CFAP65: variants seen among roughly 807,000 people sequenced by gnomAD.
CFAP65 encodes the protein cilia- and flagella-associated protein 65.
CFAP65 carries 155 observed loss-of-function variants against 208.0 expected under a neutral mutation model. The ratio of observed to expected loss-of-function variants is 0.75; its 90% CI spans 0.65 to 0.85. The LOEUF is 0.85. Among genes scored for constraint, CFAP65 ranks in the 40% least tolerant of loss-of-function variants. The pLI, the probability that CFAP65 is intolerant of heterozygous loss-of-function variation, is 0.00. For missense variants in CFAP65, 2,294 were observed against 2,451.3 expected, an observed-to-expected ratio of 0.94 and a Z score of 1.36; for synonymous variants, 970 against 986.3, an observed-to-expected ratio of 0.98 and a Z score of 0.31.
chr2:219,031,089 G>A lies in CFAP65; in HGVS notation c.1015+17C>T, dbSNP rs1462258832. ...CAGGAGGGGCCAGTCTGGGGACGGT[G>A]GGAGGTTGGGCCTCACCCACAGCCT... On this transcript the variant is annotated intron_variant, in intron 8 of 34. Transcript: ENST00000341552. The surrounding 1 kb of genome is among the most constrained non-coding windows in gnomAD (Gnocchi z 5.2). 2.5e-6 allele frequency: 4 copies of A among 1,569,728 alleles called. No homozygotes were observed. In the Admixed American group the frequency reaches 5.7e-5, roughly 22 times the overall value.
chr2:219,025,598 T>G (rs1338321206), intron 14 of CFAP65, among the ~76,000 whole-genome samples: 1 of 152,128 alleles, frequency 6.6e-6, no homozygotes. Context: ...AGGATGGGGC[T>G]GGCTCTGCCT....
rs377043331 is a variant in CFAP65 at position 219,013,976 on chromosome 2, G to C, written c.3671C>G (p.Ser1224Cys). 6.2e-7 allele frequency: 1 copy of C among 1,613,450 alleles called. No homozygotes were observed. Among genetic ancestry groups the C allele is most frequent in the South Asian group, 1.1e-5 (1 of 90,880 alleles). ...CACGCGCATCTGGTGGAGCTCAGTG[G>C]AATTCAACTCTGCTTGCTCTGCCCA... ...ELWAEQAELN[S>C]TELHQMRVQD... The change falls in exon 22 of 35, where the codon TCC becomes TGC. Residue 1224 changes from serine (S) to cysteine (C), a missense_variant. Physicochemically the swap from Ser to Cys is moderately radical, Grantham distance 112. Coordinates refer to ENST00000341552, the MANE Select transcript of CFAP65 (RefSeq NM_194302.4).
Position 219,021,141 on chromosome 2 carries a change from A to G in CFAP65, c.3259+11T>C. 1 of 1,521,062 alleles carries G rather than the reference A, an allele frequency of 6.6e-7. No individual in the cohort carries two copies. Among genetic ancestry groups the G allele is most frequent in the East Asian group, 2.4e-5 (1 of 41,252 alleles). The allele number at this position is 1,521,062 out of a possible 1,614,324, so 94.2% of individuals were successfully genotyped here. On this transcript the variant is annotated intron_variant, in intron 19 of 34. Transcript: ENST00000341552. ...CCGGCCCCGACTCTCTATGCCAGGC[A>G]GTCTAGGTACCTCTGTGGGAAAGGA...
rs904945907 is a variant in CFAP65 at position 219,021,683 on chromosome 2, C to A, written c.3130+97G>T. On this transcript the variant is annotated intron_variant, in intron 18 of 34. Coordinates refer to ENST00000341552, the MANE Select transcript of CFAP65 (RefSeq NM_194302.4). ...ACCTCAGCTTCTTGAAGAGCTGGGA[C>A]TACAGGCGCGTGCCAGTGTGCCCAG... 1.0e-5 allele frequency: 14 copies of A among 1,366,740 alleles called. 1 individual carries two copies. The East Asian group carries it at 2.5e-4, about 25-fold the overall frequency. 84.7% of individuals were successfully genotyped at this position (1,366,740 alleles called of 1,614,324 possible).
intron 21 of CFAP65, among the ~76,000 whole-genome samples, chr2:219,017,728 G>A (rs1014203481): frequency 2.6e-5 from 4 of 152,128 alleles, no homozygotes; most frequent in Admixed American, 6.5e-5. Context: ...AAACACCAGC[G>A]CGCAGTCCAT....
chr2:219,040,640 C>A (rs1948608989), intron 1 of CFAP65, 76 bp from the exon 2 acceptor site: 1 of 1,551,168 alleles, frequency 6.4e-7, no homozygotes. Context: ...CTCATTAATG[C>A]CTCTGACCTC....
rs1434805830 is a variant in CFAP65, at chr2:219,022,173, A to T, written c.2977T>A (p.Ser993Thr). Residue 993 changes from serine to threonine, a missense_variant and splice_region_variant, in exon 17 of 35, where the codon TCT becomes ACT. Ser to Thr is a moderately conservative substitution (Grantham distance 58, BLOSUM62 1). Transcript: ENST00000341552. Reference sequence around the variant, plus strand: ...CCTGCCAGAGCCCTCCCACTCACAGAGAGGCTGCTGGTGAGCCCAACGCCC... The same window carrying T: ...CCTGCCAGAGCCCTCCCACTCACAGTGAGGCTGCTGGTGAGCCCAACGCCC... ...LVGVGLTSSL[S>T]AKEKELAFGN... 6.3e-7 allele frequency: 1 copy of T among 1,590,136 alleles called. No homozygotes were observed. The highest frequency in any genetic ancestry group is 1.1e-5 in the South Asian group (1 of 88,016).
At chr2:219,015,975 G>T (rs1382191555) in intron 21 of CFAP65, among the ~76,000 whole-genome samples, 1 of 143,590 alleles carries the variant, frequency 7.0e-6, no homozygotes, top group Non-Finnish European at 1.5e-5. Context: ...GGCCATTACT[G>T]TAAAAAAAAA....
At chr2:219,022,506 A>G (rs753920209) in intron 16 of CFAP65, among the ~76,000 whole-genome samples, 177 bp from the exon 17 acceptor site, 5 of 152,250 alleles carry the variant, frequency 3.3e-5, no homozygotes, top group Middle Eastern at 3.4e-3. Flanking sequence ...TCAATCCTAT[A>G]TCCCCACGGG....
rs769503738 is a variant in CFAP65 at position 219,009,065 on chromosome 2, G to T, written c.4656C>A (p.Ile1552=). The stretch of plus-strand genomic sequence containing the variant: ...TCCTCACCTTCACTTTCATGTCGGT[G>T]ATGGTGAACTCCACTTCCTGCCGCA... The part of the protein sequence containing the change: ...EKVRQEVEFT[I]TDMKVKKRTC... Residue 1552 remains isoleucine (I), a synonymous_variant, in exon 29 of 35, where the codon ATC becomes ATA. Transcript: ENST00000341552. 6.2e-7 allele frequency: 1 copy of T among 1,612,626 alleles called. No homozygotes were observed. The highest frequency in any genetic ancestry group is 8.5e-7 in the Non-Finnish European group (1 of 1,179,710).
rs1267812386 is a variant in CFAP65, at chr2:219,032,257, C to T, written c.645+213G>A. On this transcript the variant is annotated intron_variant, in intron 6 of 34. Coordinates refer to ENST00000341552, the MANE Select transcript of CFAP65 (RefSeq NM_194302.4). The surrounding 1 kb of genome is among the most constrained non-coding windows in gnomAD (Gnocchi z 5.5). ...GACTTTCTGATGGCCAATATAATAT[C>T]GCAGCCTTTACCCCCAGCATCTCCT... Among the ~76,000 whole-genome samples, 3 of 152,166 alleles carry T rather than the reference C, an allele frequency of 2.0e-5. No homozygotes were observed. The highest frequency in any genetic ancestry group is 4.8e-5 in the African/African-American group (2 of 41,448).
At chr2:219,029,342 T>C in intron 11 of CFAP65, 61 bp downstream of exon 11, 1 of 1,561,354 alleles carries the variant, frequency 6.4e-7, no homozygotes, top group South Asian at 1.2e-5. Flanking sequence ...AGCCTTGTCA[T>C]CATCAGTGGG....
rs1316120159 is a variant in CFAP65, at chr2:219,032,192, A to G, written c.645+278T>C. The stretch of plus-strand genomic sequence containing the variant: ...TGCCTCGGCCTCCCAAAGTGCTGAG[A>G]TTCCAGAAGTCAGTCACCGTCCCCG... On this transcript the variant is annotated intron_variant, in intron 6 of 34. Coordinates refer to ENST00000341552, the MANE Select transcript of CFAP65 (RefSeq NM_194302.4). The surrounding 1 kb of genome is among the most constrained non-coding windows in gnomAD (Gnocchi z 5.5). Among the ~76,000 whole-genome samples, 1 of 152,188 alleles carries G rather than the reference A, an allele frequency of 6.6e-6. No individual in the cohort carries two copies. Among genetic ancestry groups the G allele is most frequent in the Non-Finnish European group, 1.5e-5 (1 of 68,036 alleles).
intron 14 of CFAP65, among the ~76,000 whole-genome samples, chr2:219,024,470 A>T: frequency 0.032 from 222 of 6,866 alleles, 4 homozygotes; most frequent in African/African-American, 0.15. Context: ...ACCTCCAGAA[A>T]GGGGCGGGGG....
intron 5 of CFAP65, 92 bp downstream of exon 5, chr2:219,035,388 G>GTTTT: frequency 6.2e-7 from 1 of 1,609,008 alleles, no homozygotes; most frequent in African/African-American, 1.3e-5. Flanking sequence ...CATGTTAAAG[G>GTTTT]TTTTTTTTGT....
chr2:219,038,968 G>T lies in CFAP65; in HGVS notation c.81C>A (p.Phe27Leu). Residue 27 changes from phenylalanine to leucine, a missense_variant, in exon 3 of 35, where the codon TTC (phenylalanine) becomes TTA (leucine). By Grantham distance (22) the Phe-to-Leu change is conservative. This residue lies in a region of CFAP65 where 867 missense variants were observed against 1,012.6 expected (regional missense o/e 0.86). Coordinates refer to ENST00000341552, the MANE Select transcript of CFAP65 (RefSeq NM_194302.4). ...CTCTTAGGAGAAGAGGAATAAGGGG[G>T]AAAGAAGAGGCAAATGAGACTGATG... Reference protein sequence around the residue: ...ENPSVSFASSFPLIPLLLRGK... With the variant: ...ENPSVSFASSLPLIPLLLRGK... 6.2e-7 allele frequency: 1 copy of T among 1,613,924 alleles called. No individual in the cohort carries two copies. Among genetic ancestry groups the T allele is most frequent in the Non-Finnish European group, 8.5e-7 (1 of 1,179,880 alleles).
chr2:219,020,345 T>C (rs1019300056), intron 19 of CFAP65, among the ~76,000 whole-genome samples: 8 of 152,208 alleles, frequency 5.3e-5, no homozygotes, highest in Non-Finnish European at 7.3e-5. Flanking sequence ...CTGGCCTGTG[T>C]GACATTATGA....
At position 219,038,555 on chromosome 2, in the gene CFAP65, A is replaced by G. The variant is rs201485691; in HGVS notation, c.177T>C (p.Phe59=). 5 of 1,613,972 alleles carry G rather than the reference A, an allele frequency of 3.1e-6. No individual in the cohort carries two copies. In the Admixed American group the frequency reaches 8.3e-5, roughly 27 times the overall value. ...QIKLHTQSAP[F]GLCPKDMMLT... is the part of the protein sequence containing the mutation. ...GCATCATGTCCTTGGGACACAGTCCAAAGGGAGCACTCTGAGTATGGAGCT... is the reference window on the plus strand; with the variant it reads ...GCATCATGTCCTTGGGACACAGTCCGAAGGGAGCACTCTGAGTATGGAGCT... The change falls in exon 4 of 35, where the codon TTT becomes TTC. Residue 59 remains phenylalanine (F), a synonymous_variant. Coordinates refer to ENST00000341552, the MANE Select transcript of CFAP65 (RefSeq NM_194302.4).
At chr2:219,024,470 A>AGGGAGACGGGGGGGGG (rs1168795562) in intron 14 of CFAP65, among the ~76,000 whole-genome samples, 2 of 6,934 alleles carry the variant, frequency 2.9e-4, no homozygotes, top group Admixed American at 4.0e-3. Context: ...ACCTCCAGAA[A>AGGGAGACGGGGGGGGG]GGGGCGGGGG....
Sources: allele counts gnomAD v4.1 joint callset (sites outside exome capture counted in the v4.1 genomes callset), GRCh38; gene constraint gnomAD v4.1.1; regional missense constraint gnomAD v4.1.1; non-coding constraint Gnocchi (gnomAD v3.1); transcripts MANE v1.5; gene names NCBI Gene and HGNC (gene_info 2026-07-23, HGNC 2026-07-21).